The following DISC1 variants were observed in gnomAD, a reference collection of about 807,000 sequenced individuals.
The protein encoded by DISC1 is disrupted in schizophrenia 1 protein.
Under a neutral mutation model 84.5 loss-of-function variants are expected in DISC1, and 57 were observed. That is an observed-to-expected ratio of 0.67 (90% confidence interval 0.55 to 0.84). The LOEUF (loss-of-function observed/expected upper bound fraction) is 0.84. DISC1 is among the 40% of genes least tolerant of loss of function. The pLI, the probability that DISC1 is intolerant of heterozygous loss-of-function variation, is 0.00. For missense variants in DISC1, 1,000 were observed against 1,057.8 expected, an observed-to-expected ratio of 0.95 and a Z score of 0.76; for synonymous variants, 411 against 415.2, an observed-to-expected ratio of 0.99 and a Z score of 0.12.
chr1:231,734,651 A>G (rs531874132), intron 3 of DISC1, among the ~76,000 whole-genome samples: 2 of 152,336 alleles, frequency 1.3e-5, no homozygotes, highest in Non-Finnish European at 2.9e-5. Flanking sequence ...CTGGGGAAGA[A>G]CACTTGCTTC....
Position 231,839,638 on chromosome 1 carries a change from G to A in DISC1, c.1981+21121G>A, listed in dbSNP as rs149219874. On this transcript the variant is annotated intron_variant, in intron 9 of 12. Transcript: ENST00000439617. Reference sequence around the variant, plus strand: ...ACATTCTTGTATTACAGTTGTGTTAGTCTGTTTGCATTGCTATCAAGGAAT... The same window carrying A: ...ACATTCTTGTATTACAGTTGTGTTAATCTGTTTGCATTGCTATCAAGGAAT... Among the ~76,000 whole-genome samples the A allele has an allele frequency of 2.5e-3, 383 of 152,288 alleles. 1 individual carries two copies. The highest frequency in any genetic ancestry group is 8.8e-3 in the African/African-American group (367 of 41,560).
At chr1:231,765,839 C>G (rs200009236) in intron 4 of DISC1, among the ~76,000 whole-genome samples, 1 of 152,140 alleles carries the variant, frequency 6.6e-6, no homozygotes, top group Non-Finnish European at 1.5e-5. Flanking sequence ...CTGAGAAGCT[C>G]GCATCCAAGC....
intron 9 of DISC1, among the ~76,000 whole-genome samples, chr1:231,844,334 A>G (rs1313754169): frequency 1.3e-5 from 2 of 152,190 alleles, no homozygotes; most frequent in African/African-American, 4.8e-5. Flanking sequence ...TGTAGAGGAT[A>G]CAACTCAGGA....
At position 231,871,334 on chromosome 1, in the gene DISC1, G is replaced by C. The variant is rs149136345; in HGVS notation, c.1981+52817G>C. 1.6e-3 allele frequency among the ~76,000 whole-genome samples: 240 copies of C among 152,320 alleles called. 1 individual carries two copies. Among genetic ancestry groups the C allele is most frequent in the African/African-American group, 5.4e-3 (224 of 41,566 alleles). Reference sequence around the variant, plus strand: ...GAGAATAGAAGGTTCTGGGGAAGGGGACCCACTCTGGGCAGAGGGAGAAGG... The same window carrying C: ...GAGAATAGAAGGTTCTGGGGAAGGGCACCCACTCTGGGCAGAGGGAGAAGG... On this transcript the variant is annotated intron_variant, in intron 9 of 12. Transcript: ENST00000439617.
chr1:231,911,091 C>T (rs1318164838), intron 9 of DISC1, among the ~76,000 whole-genome samples: 1 of 152,124 alleles, frequency 6.6e-6, no homozygotes, highest in African/African-American at 2.4e-5. Flanking sequence ...GATGGGTCTC[C>T]TGAATATAGC....
chr1:232,008,848 C>T lies in DISC1; in HGVS notation c.2106C>T (p.Ile702=), dbSNP rs2806455. The part of the protein sequence containing the change: ...EADLEACRLL[I]QSLQLQEARG... ...ACTTGGAAGCTTGTCGATTGCTTATCCAGAGCCTACAGCTCCAGGAAGCCA... is the reference window on the plus strand; with the variant it reads ...ACTTGGAAGCTTGTCGATTGCTTATTCAGAGCCTACAGCTCCAGGAAGCCA... Residue 702 remains isoleucine, a synonymous_variant, in exon 11 of 13, where the codon ATC becomes ATT. Transcript: ENST00000439617. The T allele has an allele frequency of 6.2e-7, 1 of 1,612,150 alleles. No individual in the cohort carries two copies. The highest frequency in any genetic ancestry group is 1.1e-5 in the South Asian group (1 of 90,862).
intron 9 of DISC1, among the ~76,000 whole-genome samples, chr1:231,924,462 A>G (rs2090211110): frequency 6.6e-6 from 1 of 152,206 alleles, no homozygotes; most frequent in Non-Finnish European, 1.5e-5. Context: ...GATGTTCAGC[A>G]GAGTGTGTTG....
intron 9 of DISC1, among the ~76,000 whole-genome samples, chr1:231,883,246 T>C (rs573225730): frequency 6.6e-6 from 1 of 152,264 alleles, no homozygotes; most frequent in Admixed American, 6.5e-5. Flanking sequence ...CTCTCTATAA[T>C]ATTAATTAGA....
chr1:231,706,647 A>G (rs1157715477), intron 3 of DISC1, among the ~76,000 whole-genome samples: 2 of 152,246 alleles, frequency 1.3e-5, no homozygotes, highest in Non-Finnish European at 2.9e-5. Flanking sequence ...AGTAGCCAGC[A>G]TCATATTACT....
chr1:232,005,089 C>CTTCCTCCT (rs1466009591), intron 10 of DISC1, among the ~76,000 whole-genome samples: 1 of 147,750 alleles, frequency 6.8e-6, no homozygotes, highest in Non-Finnish European at 1.5e-5. Flanking sequence ...TCCCTCCTCC[C>CTTCCTCCT]TTCCTCCTTT....
chr1:231,691,490 A>G (rs571136558), intron 1 of DISC1, among the ~76,000 whole-genome samples: 1 of 152,244 alleles, frequency 6.6e-6, no homozygotes, highest in East Asian at 1.9e-4. Context: ...AAGTGCCCTC[A>G]GGCCTTGGAA....
chr1:231,973,933 C>T (rs1662415778), intron 10 of DISC1, among the ~76,000 whole-genome samples: 1 of 152,198 alleles, frequency 6.6e-6, no homozygotes, highest in African/African-American at 2.4e-5. Flanking sequence ...CCTCCTCACA[C>T]CCACTCCAAA....
intron 2 of DISC1, among the ~76,000 whole-genome samples, chr1:231,697,948 AG>A (rs924288855): frequency 6.6e-6 from 1 of 152,084 alleles, no homozygotes; most frequent in African/African-American, 2.4e-5. Flanking sequence ...CCATTGCAAA[AG>A]CTCCCTAAGC....
rs535750277 is a variant in DISC1, at chr1:231,949,390, G to C, written c.1982-9438G>C. Among the ~76,000 whole-genome samples the C allele has an allele frequency of 1.2e-4, 19 of 152,326 alleles. No homozygotes were observed. In the South Asian group the frequency reaches 3.9e-3, roughly 32 times the overall value. On this transcript the variant is annotated intron_variant, in intron 9 of 12. Coordinates refer to ENST00000439617, the MANE Select transcript of DISC1 (RefSeq NM_018662.3). ...GTGCCTGGATGTGGACAGCATGTGT[G>C]TGTTTTGAGGTGGGAGTAAGGCCTG...
intron 10 of DISC1, among the ~76,000 whole-genome samples, chr1:231,969,141 C>T (rs908794284): frequency 6.7e-6 from 1 of 148,776 alleles, no homozygotes; most frequent in Non-Finnish European, 1.5e-5. Flanking sequence ...CTAATACCCT[C>T]CATTAAGGAT....
At chr1:232,015,552 T>C (rs1250562821) in intron 11 of DISC1, among the ~76,000 whole-genome samples, 1 of 152,106 alleles carries the variant, frequency 6.6e-6, no homozygotes, top group Non-Finnish European at 1.5e-5. Flanking sequence ...TGCCCCCTCA[T>C]CACAGCTACA....
chr1:231,764,009 C>T (rs1292695300), intron 4 of DISC1, among the ~76,000 whole-genome samples: 1 of 152,214 alleles, frequency 6.6e-6, no homozygotes, highest in Admixed American at 6.5e-5. Flanking sequence ...CAGTGCGACC[C>T]TGTGTTAATA....
At chr1:231,632,083 A>C (rs571919496) in intron 1 of DISC1, among the ~76,000 whole-genome samples, 2 of 152,256 alleles carry the variant, frequency 1.3e-5, no homozygotes, top group African/African-American at 4.8e-5. Context: ...GGCTGCCTAC[A>C]GTATTCAGTA....
intron 1 of DISC1, among the ~76,000 whole-genome samples, chr1:231,689,661 G>C (rs959422054): frequency 6.6e-6 from 1 of 152,080 alleles, no homozygotes; most frequent in Non-Finnish European, 1.5e-5. Context: ...TTCTTAAACT[G>C]CATGTTTAAG....
Sources: gnomAD v4.1 joint callset for allele counts (sites outside exome capture counted in the v4.1 genomes callset) on GRCh38, gnomAD v4.1.1 for gene constraint, MANE v1.5 for transcripts, NCBI Gene and HGNC (gene_info 2026-07-23, HGNC 2026-07-21) for gene names.